ATP11C: variants seen among roughly 807,000 people sequenced by gnomAD.
ATP11C encodes the protein phospholipid-transporting ATPase IG.
ATP11C carries 36 observed loss-of-function variants against 97.4 expected under a neutral mutation model. That is an observed-to-expected ratio of 0.37 (90% CI 0.28 to 0.49). ATP11C has a LOEUF of 0.49. Ranked by LOEUF, ATP11C falls within the 20% of genes least tolerant of loss-of-function variation. The pLI is 0.98. For synonymous variants in ATP11C, 275 were observed against 290.9 expected (o/e 0.95, Z 0.56); for missense variants, 730 against 824.6 (o/e 0.89, Z 1.40).
chrX:139,867,116 A>G (rs1437978489), intron 1 of ATP11C, among the ~76,000 whole-genome samples: 1 of 111,747 alleles, frequency 8.9e-6, no homozygotes, highest in Non-Finnish European at 1.9e-5. Flanking sequence ...ATTTACTATC[A>G]GAGGCAGCTG....
intron 22 of ATP11C, among the ~76,000 whole-genome samples, chrX:139,761,296 G>A (rs141194182): frequency 0.045 from 4,951 of 111,062 alleles, 147 homozygotes; most frequent in Admixed American, 0.15. Context: ...TTAAAAAAAG[G>A]TGAATTTTGT....
chrX:139,840,886 G>C (rs2083819024), intron 1 of ATP11C, among the ~76,000 whole-genome samples: 2 of 110,586 alleles, frequency 1.8e-5, no homozygotes, highest in Admixed American at 1.9e-4. Flanking sequence ...GGGGGTGAGG[G>C]ATAAAAGACT....
At chrX:139,901,850 A>C (rs1430085949) in intron 1 of ATP11C, among the ~76,000 whole-genome samples, 1 of 111,266 alleles carries the variant, frequency 9.0e-6, no homozygotes, top group Non-Finnish European at 1.9e-5. Flanking sequence ...GCTGGCTTAC[A>C]CACCTTCATG....
intron 19 of ATP11C, among the ~76,000 whole-genome samples, chrX:139,771,343 ATC>A (rs1251022172): frequency 9.0e-6 from 1 of 111,104 alleles, no homozygotes; most frequent in African/African-American, 3.3e-5. Flanking sequence ...GTCCAATTAA[ATC>A]TCTTTTTCTT....
chrX:139,919,786 G>T (rs913601099), intron 1 of ATP11C, among the ~76,000 whole-genome samples: 1 of 110,470 alleles, frequency 9.1e-6, no homozygotes, highest in Non-Finnish European at 1.9e-5. Flanking sequence ...GGGTGTGGTG[G>T]TGCACGCCTG....
chrX:139,821,199 G>C (rs1048485449), intron 2 of ATP11C, among the ~76,000 whole-genome samples: 1 of 111,920 alleles, frequency 8.9e-6, no homozygotes, highest in Non-Finnish European at 1.9e-5. Context: ...ACTTAGAATA[G>C]GTTCTACCCT....
chrX:139,798,827 T>A, intron 8 of ATP11C, 84 bp from the exon 9 acceptor site: 1 of 665,176 alleles, frequency 1.5e-6, no homozygotes, highest in Non-Finnish European at 2.4e-6. Context: ...GACACACACC[T>A]ATCTCCAAGG....
rs1228251250 is a variant in ATP11C, at chrX:139,847,537, C to CA, written c.28-20715dup. 6.4e-5 allele frequency among the ~76,000 whole-genome samples: 7 copies of CA among 108,981 alleles called. No individual in the cohort carries two copies. In the East Asian group the frequency reaches 1.4e-3, roughly 22 times the overall value. The allele number at this position is 108,981 out of a possible 115,157, so 94.6% of individuals were successfully genotyped here. On this transcript the variant is annotated intron_variant, in intron 1 of 29. Transcript: ENST00000682941. ...GCAACACAGTGAGACCTCATCTCTA[C>CA]AAAAAAAATCAAAAAATTAGCTGGA...
intron 19 of ATP11C, among the ~76,000 whole-genome samples, chrX:139,769,304 A>G (rs1348279973): frequency 1.4e-5 from 1 of 71,364 alleles, no homozygotes; most frequent in East Asian, 5.3e-4. Context: ...ATATATATAT[A>G]TATATATATA....
chrX:139,907,734 C>T (rs1158171305), intron 1 of ATP11C, among the ~76,000 whole-genome samples: 1 of 107,845 alleles, frequency 9.3e-6, no homozygotes, highest in Non-Finnish European at 1.9e-5. Flanking sequence ...GGAGACAGAG[C>T]GACACTCTGT....
At chrX:139,878,725 C>T (rs2084516318) in intron 1 of ATP11C, among the ~76,000 whole-genome samples, 1 of 111,143 alleles carries the variant, frequency 9.0e-6, no homozygotes, top group African/African-American at 3.3e-5. Flanking sequence ...GAAGAAATGA[C>T]ATTTGAGTTG....
intron 1 of ATP11C, among the ~76,000 whole-genome samples, chrX:139,861,475 T>G (rs921767669): frequency 1.8e-5 from 2 of 111,396 alleles, no homozygotes; most frequent in East Asian, 5.6e-4. Context: ...ATATTTAACA[T>G]TTAATGAAGA....
chrX:139,842,590 T>C (rs1011799985), intron 1 of ATP11C, among the ~76,000 whole-genome samples: 1 of 112,508 alleles, frequency 8.9e-6, no homozygotes, highest in Admixed American at 9.4e-5. Flanking sequence ...GAAGGAAGTA[T>C]ACAAGTATAT....
intron 27 of ATP11C, among the ~76,000 whole-genome samples, chrX:139,740,545 T>C (rs748837944): frequency 2.7e-5 from 3 of 112,152 alleles, no homozygotes; most frequent in South Asian, 7.4e-4. Flanking sequence ...ATATATCCTA[T>C]ACCCTGAGCA....
At chrX:139,806,833 C>G (rs978037159) in intron 5 of ATP11C, among the ~76,000 whole-genome samples, 1 of 111,401 alleles carries the variant, frequency 9.0e-6, no homozygotes, top group African/African-American at 3.3e-5. Context: ...TCATATTAAG[C>G]AAATGTCATC....
chrX:139,803,684 T>A (rs2082976116), intron 6 of ATP11C, among the ~76,000 whole-genome samples: 1 of 79,322 alleles, frequency 1.3e-5, no homozygotes, highest in East Asian at 4.8e-4. Context: ...CTACACCCTA[T>A]CTTTTTTTTT....
chrX:139,800,176 T>C, intron 7 of ATP11C, 66 bp from the exon 8 acceptor site: 1 of 756,194 alleles, frequency 1.3e-6, no homozygotes, highest in Non-Finnish European at 2.0e-6. Context: ...ACCAGAAATA[T>C]GAGAATGAAT....
chrX:139,785,405 C>A, intron 15 of ATP11C, 106 bp from the exon 16 acceptor site: 2 of 553,892 alleles, frequency 3.6e-6, no homozygotes, highest in Non-Finnish European at 2.9e-6. Flanking sequence ...ACAGATAGCA[C>A]TGGTTGTGTG....
chrX:139,756,325 A>G (rs1046241417), intron 23 of ATP11C, among the ~76,000 whole-genome samples: 2 of 112,136 alleles, frequency 1.8e-5, no homozygotes, highest in African/African-American at 6.5e-5. Flanking sequence ...CAAAAAAGTA[A>G]CAGATGCTGG....
Sources: allele counts gnomAD v4.1 joint callset (sites outside exome capture counted in the v4.1 genomes callset), GRCh38; gene constraint gnomAD v4.1.1; transcripts MANE v1.5; gene names NCBI Gene and HGNC (gene_info 2026-07-23, HGNC 2026-07-21).